Variants in MPPED2 observed in about 807,000 individuals in gnomAD.
The protein encoded by MPPED2 is metallophosphoesterase domain containing 2, also known as metallophosphoesterase MPPED2.
A neutral mutation model predicts 33.0 loss-of-function variants in MPPED2; 5 were observed. The ratio of observed to expected loss-of-function variants is 0.15; its 90% CI spans 0.08 to 0.32. The LOEUF (loss-of-function observed/expected upper bound fraction) is 0.32. Among genes scored for constraint, MPPED2 ranks in the 10% least tolerant of loss-of-function variants. The probability of loss-of-function intolerance (pLI) is 1.00; values close to 1 mark genes in which losing one functional copy is unlikely to be tolerated. For synonymous variants in MPPED2, 136 were observed against 141.9 expected (o/e 0.96, Z 0.29); for missense variants, 275 against 372.1 (o/e 0.74, Z 2.15).
chr11:30,490,778 T>C (rs1435562599), intron 4 of MPPED2, among the ~76,000 whole-genome samples: 1 of 152,224 alleles, frequency 6.6e-6, no homozygotes, highest in Non-Finnish European at 1.5e-5. Context: ...AGTCTTGAGG[T>C]AGCTTTCAGC....
At chr11:30,501,523 C>T (rs1160426431) in intron 3 of MPPED2, 1 of 584,954 alleles carries the variant, frequency 1.7e-6, no homozygotes, top group East Asian at 1.4e-4. Flanking sequence ...GCCTCCTTCT[C>T]TCATCCAGAT....
intron 6 of MPPED2, among the ~76,000 whole-genome samples, chr11:30,397,124 T>C (rs1012050189): frequency 4.6e-5 from 7 of 152,118 alleles, no homozygotes; most frequent in Admixed American, 3.9e-4. Context: ...ATTCAGAAAA[T>C]ATTATTTACT....
At chr11:30,486,541 G>C (rs1029056451) in intron 4 of MPPED2, among the ~76,000 whole-genome samples, 1 of 152,160 alleles carries the variant, frequency 6.6e-6, no homozygotes, top group Non-Finnish European at 1.5e-5. Flanking sequence ...TGAAGCGACG[G>C]TCTCTGTAAC....
At chr11:30,454,456 G>GAA (rs369937756) in intron 4 of MPPED2, among the ~76,000 whole-genome samples, 1 of 150,466 alleles carries the variant, frequency 6.6e-6, no homozygotes, top group African/African-American at 2.4e-5. Context: ...GGAAATAAAA[G>GAA]AAAAAAAATC....
chr11:30,537,219 C>G (rs2134495636), intron 2 of MPPED2, among the ~76,000 whole-genome samples: 1 of 152,294 alleles, frequency 6.6e-6, no homozygotes, highest in African/African-American at 2.4e-5. Flanking sequence ...TCTACACTGA[C>G]AGCCTCCTTT....
chr11:30,412,795 G>A (rs1356894492), intron 6 of MPPED2, among the ~76,000 whole-genome samples: 2 of 152,102 alleles, frequency 1.3e-5, no homozygotes, highest in Non-Finnish European at 2.9e-5. Flanking sequence ...TTATTTTGGG[G>A]CTTCAGTGGA....
chr11:30,413,493 G>A (rs1487468950), intron 6 of MPPED2, among the ~76,000 whole-genome samples: 1 of 152,148 alleles, frequency 6.6e-6, no homozygotes, highest in Non-Finnish European at 1.5e-5. Context: ...AGAAAACCCA[G>A]ATCCCTTGAA....
At chr11:30,504,247 C>T (rs112824857) in intron 3 of MPPED2, among the ~76,000 whole-genome samples, 22 of 152,216 alleles carry the variant, frequency 1.4e-4, no homozygotes, top group African/African-American at 5.3e-4. Flanking sequence ...ACTTTTGAAG[C>T]CTCTCTATTT....
At chr11:30,494,784 G>GAAGAA (rs550191411) in intron 4 of MPPED2, among the ~76,000 whole-genome samples, 11 of 123,262 alleles carry the variant, frequency 8.9e-5, no homozygotes, top group Middle Eastern at 4.1e-3. Context: ...AAAGAAAAGA[G>GAAGAA]AAGAAAAGAA....
chr11:30,509,828 G>A (rs1026303453), intron 3 of MPPED2, among the ~76,000 whole-genome samples: 3 of 152,140 alleles, frequency 2.0e-5, no homozygotes, highest in Admixed American at 2.0e-4. Context: ...CTAAGACCTA[G>A]CAAGGCTAAA....
chr11:30,517,844 T>G (rs1170005141), intron 3 of MPPED2, among the ~76,000 whole-genome samples: 2 of 152,176 alleles, frequency 1.3e-5, no homozygotes, highest in Non-Finnish European at 2.9e-5. Flanking sequence ...TAAAATCATG[T>G]ATAAACTATT....
rs181314732 is a variant in MPPED2, at chr11:30,389,251, C to T, written c.767-295G>A. Among the ~76,000 whole-genome samples the T allele has an allele frequency of 1.8e-4, 27 of 152,232 alleles. 1 individual carries two copies. The East Asian group carries it at 4.3e-3, about 24-fold the overall frequency. The stretch of plus-strand genomic sequence containing the variant: ...GCCTTTTGACAGCTTAGACTGAATT[C>T]GGGAGCCTTGACTGAGGTTGGGTAC... On this transcript the variant is annotated intron_variant, in intron 6 of 6. Coordinates refer to the MPPED2 transcript ENST00000448418.
chr11:30,447,110 G>GGTA (rs1949846988), intron 4 of MPPED2, among the ~76,000 whole-genome samples: 1 of 152,192 alleles, frequency 6.6e-6, no homozygotes, highest in South Asian at 2.1e-4. Context: ...AGATCATTCA[G>GGTA]GTAGACAGGC....
At chr11:30,474,729 T>G (rs1951102654) in intron 4 of MPPED2, among the ~76,000 whole-genome samples, 1 of 151,898 alleles carries the variant, frequency 6.6e-6, no homozygotes, top group Non-Finnish European at 1.5e-5. Flanking sequence ...AAGAAGTGAA[T>G]TCCAATAATA....
At chr11:30,502,510 T>G (rs959349805) in intron 3 of MPPED2, among the ~76,000 whole-genome samples, 14 of 152,188 alleles carry the variant, frequency 9.2e-5, no homozygotes, top group African/African-American at 3.1e-4. Flanking sequence ...ACTGCAGCTG[T>G]TGGTACAATT....
chr11:30,394,426 A>C (rs948777499), intron 6 of MPPED2, among the ~76,000 whole-genome samples: 6 of 152,178 alleles, frequency 3.9e-5, no homozygotes, highest in Non-Finnish European at 8.8e-5. Flanking sequence ...CATCCTTGTC[A>C]GCACTTGATA....
At chr11:30,486,636 G>A (rs534603373) in intron 4 of MPPED2, among the ~76,000 whole-genome samples, 2 of 152,284 alleles carry the variant, frequency 1.3e-5, no homozygotes, top group Admixed American at 1.3e-4. Flanking sequence ...AAAATTGCTG[G>A]TGGAGGCTTT....
chr11:30,518,106 T>C (rs1953639576), intron 3 of MPPED2, among the ~76,000 whole-genome samples: 1 of 152,190 alleles, frequency 6.6e-6, no homozygotes, highest in African/African-American at 2.4e-5. Flanking sequence ...TGGTAGATTA[T>C]GAGCCACAGA....
intron 4 of MPPED2, among the ~76,000 whole-genome samples, chr11:30,468,784 C>T (rs940321558): frequency 2.6e-4 from 40 of 152,104 alleles, no homozygotes; most frequent in African/African-American, 9.7e-4. Context: ...AACACTGGTC[C>T]CAATCATAAA....
Sources: gnomAD v4.1 joint callset for allele counts (sites outside exome capture counted in the v4.1 genomes callset) on GRCh38, gnomAD v4.1.1 for gene constraint, MANE v1.5 for transcripts, NCBI Gene and HGNC (gene_info 2026-07-23, HGNC 2026-07-21) for gene names.